Variants in REC114 observed in about 807,000 individuals in gnomAD.
REC114 encodes the protein meiotic recombination protein REC114.
In REC114, 27 loss-of-function variants were observed where a neutral mutation model predicts 31.3. That is an observed-to-expected ratio of 0.86 (90% confidence interval 0.64 to 1.19). REC114 has a LOEUF of 1.19. Ranked by LOEUF, REC114 falls within the 50% of genes most tolerant of loss-of-function variation. The pLI is 0.00. For synonymous variants in REC114, 134 were observed against 127.7 expected, an observed-to-expected ratio of 1.05 and a Z score of -0.33; for missense variants, 344 against 326.9, an observed-to-expected ratio of 1.05 and a Z score of -0.40.
At chr15:73,534,845 T>C (rs1215440915) in intron 2 of REC114, among the ~76,000 whole-genome samples, 19 of 146,036 alleles carry the variant, frequency 1.3e-4, no homozygotes, top group Admixed American at 9.4e-4. Context: ...TCAAGTGGGC[T>C]TCATCCCTGG....
chr15:73,554,557 C>T (rs1485348697), intron 4 of REC114, among the ~76,000 whole-genome samples: 1 of 152,158 alleles, frequency 6.6e-6, no homozygotes. Flanking sequence ...TGTGGCTTAA[C>T]CAGGCATTTC....
intron 2 of REC114, among the ~76,000 whole-genome samples, chr15:73,530,299 A>C (rs543633469): frequency 6.6e-6 from 1 of 152,340 alleles, no homozygotes; most frequent in Admixed American, 6.5e-5. Context: ...TATCTATCTT[A>C]TTATTCCCTT....
At chr15:73,455,090 G>A (rs1892898297) in intron 1 of REC114, among the ~76,000 whole-genome samples, 1 of 152,080 alleles carries the variant, frequency 6.6e-6, no homozygotes, top group Non-Finnish European at 1.5e-5. Context: ...TACCCGCTGT[G>A]ATCAGTTTCA....
chr15:73,509,002 T>A (rs1314757574), intron 2 of REC114, among the ~76,000 whole-genome samples: 1 of 150,772 alleles, frequency 6.6e-6, no homozygotes, highest in Non-Finnish European at 1.5e-5. Context: ...TAGTTCTAGA[T>A]CCCTGAGGAA....
At chr15:73,468,012 T>G (rs1362304434) in intron 1 of REC114, among the ~76,000 whole-genome samples, 1 of 152,126 alleles carries the variant, frequency 6.6e-6, no homozygotes, top group African/African-American at 2.4e-5. Flanking sequence ...TCTGCCTCCC[T>G]CTTTCTCTTG....
At chr15:73,463,460 C>T (rs1405783504) in intron 1 of REC114, among the ~76,000 whole-genome samples, 1 of 152,098 alleles carries the variant, frequency 6.6e-6, no homozygotes, top group Non-Finnish European at 1.5e-5. Context: ...TTAGAGGTTA[C>T]CCGGTGGTTG....
At chr15:73,471,955 A>T (rs1316838884) in intron 1 of REC114, among the ~76,000 whole-genome samples, 3 of 152,234 alleles carry the variant, frequency 2.0e-5, no homozygotes, top group Non-Finnish European at 4.4e-5. Flanking sequence ...AGATTATTTT[A>T]AGGGAAAAAG....
At chr15:73,522,383 G>T (rs576974227) in intron 2 of REC114, among the ~76,000 whole-genome samples, 1 of 152,178 alleles carries the variant, frequency 6.6e-6, no homozygotes, top group Non-Finnish European at 1.5e-5. Flanking sequence ...GCAACGAAAG[G>T]CATCTGGGTA....
intron 2 of REC114, among the ~76,000 whole-genome samples, chr15:73,522,138 C>T (rs1461568231): frequency 6.6e-6 from 1 of 152,164 alleles, no homozygotes; most frequent in Non-Finnish European, 1.5e-5. Context: ...CCTCCAGCCT[C>T]CTCTCCTTCC....
At chr15:73,535,507 T>G (rs1357223369) in intron 2 of REC114, among the ~76,000 whole-genome samples, 1 of 151,002 alleles carries the variant, frequency 6.6e-6, no homozygotes, top group East Asian at 1.9e-4. Context: ...TACAAACCAC[T>G]GCTCAAGGAA....
chr15:73,549,128 T>G (rs2141334530), intron 3 of REC114, among the ~76,000 whole-genome samples: 1 of 152,082 alleles, frequency 6.6e-6, no homozygotes, highest in East Asian at 1.9e-4. Flanking sequence ...TGACACAAGT[T>G]TACCTATGTA....
chr15:73,556,126 G>A (rs1467229217), intron 4 of REC114, among the ~76,000 whole-genome samples, 176 bp from the exon 5 acceptor site: 1 of 152,210 alleles, frequency 6.6e-6, no homozygotes, highest in Non-Finnish European at 1.5e-5. Context: ...TTCTGCTGTG[G>A]TAACTCAAGT....
At chr15:73,554,398 GT>G (rs1327027287) in intron 4 of REC114, among the ~76,000 whole-genome samples, 2 of 152,214 alleles carry the variant, frequency 1.3e-5, no homozygotes, top group Non-Finnish European at 2.9e-5. Flanking sequence ...ACATTCAGGT[GT>G]GTCATTTTTG....
At chr15:73,557,417 AAAAAAAAAAAAAAAAAGAAAAAAAGG>A in intron 5 of REC114, among the ~76,000 whole-genome samples, 1 of 149,006 alleles carries the variant, frequency 6.7e-6, no homozygotes, top group Non-Finnish European at 1.5e-5. Flanking sequence ...AGTAGTTTAA[AAAAAAAAAAAAAAAAAGAAAAAAAGG>A]GTTTTCTCCA....
At chr15:73,513,997 T>C (rs1204394255) in intron 2 of REC114, among the ~76,000 whole-genome samples, 1 of 152,086 alleles carries the variant, frequency 6.6e-6, no homozygotes, top group South Asian at 2.1e-4. Flanking sequence ...CTGGCTGCTT[T>C]GTTTACCTAA....
intron 4 of REC114, 146 bp downstream of exon 4, chr15:73,551,296 G>A (rs1352654925): frequency 3.7e-6 from 3 of 803,834 alleles, no homozygotes; most frequent in South Asian, 3.5e-5. Flanking sequence ...AATTGAGGTC[G>A]ATACTCATTG....
intron 1 of REC114, among the ~76,000 whole-genome samples, chr15:73,459,953 T>A (rs575322719): frequency 6.6e-6 from 1 of 152,184 alleles, no homozygotes; most frequent in African/African-American, 2.4e-5. Flanking sequence ...CTGACTGATA[T>A]GGAAATTTTT....
At position 73,505,688 on chromosome 15, in the gene REC114, T is replaced by C. The variant is rs140155104; in HGVS notation, c.249+31767T>C. On this transcript the variant is annotated intron_variant, in intron 2 of 5. Coordinates refer to ENST00000331090, the MANE Select transcript of REC114 (RefSeq NM_001042367.2). ...CTGGGACTACAGGCGCCCGCCACCA[T>C]GCCCGGCTAATTTTTTGTATGTTTT... 5.7e-3 allele frequency among the ~76,000 whole-genome samples: 871 copies of C among 152,222 alleles called. 6 individuals carry two copies. Among genetic ancestry groups the C allele is most frequent in the African/African-American group, 0.02 (819 of 41,540 alleles).
intron 2 of REC114, among the ~76,000 whole-genome samples, chr15:73,486,115 T>G (rs1893361153): frequency 6.6e-6 from 1 of 152,160 alleles, no homozygotes; most frequent in East Asian, 1.9e-4. Flanking sequence ...CCTTTTTTTT[T>G]GGAAATGGAA....
Sources: gnomAD v4.1 joint callset for allele counts (sites outside exome capture counted in the v4.1 genomes callset) on GRCh38, gnomAD v4.1.1 for gene constraint, MANE v1.5 for transcripts, NCBI Gene and HGNC (gene_info 2026-07-23, HGNC 2026-07-21) for gene names.